Variants in GSN observed in about 807,000 individuals in gnomAD.
GSN encodes the protein gelsolin, also known as actin-depolymerizing factor.
In GSN, 56 loss-of-function variants were observed where a neutral mutation model predicts 85.7. The ratio of observed to expected loss-of-function variants is 0.65; its 90% confidence interval spans 0.53 to 0.82. The LOEUF (loss-of-function observed/expected upper bound fraction) is 0.82, where lower values mean the gene tolerates loss of function less well. Among genes scored for constraint, GSN ranks in the 40% least tolerant of loss-of-function variants. The pLI is 0.00. For missense variants in GSN, 857 were observed against 979.8 expected (o/e 0.87, Z 1.67); for synonymous variants, 373 against 399.1 (o/e 0.93, Z 0.78).
At chr9:121,316,766 C>G (rs960835620) in intron 7 of GSN, among the ~76,000 whole-genome samples, 28 of 152,314 alleles carry the variant, frequency 1.8e-4, no homozygotes, top group African/African-American at 6.7e-4. Context: ...ACACTGTAAC[C>G]GGCCTCTTCT....
chr9:121,209,830 TC>T, intron 2 of GSN, among the ~76,000 whole-genome samples: 1 of 152,330 alleles, frequency 6.6e-6, no homozygotes, highest in East Asian at 1.9e-4. Flanking sequence ...TTATCTGCTA[TC>T]ATAGAATTCA....
intron 1 of GSN, among the ~76,000 whole-genome samples, chr9:121,268,590 G>A (rs1478530761): frequency 6.6e-6 from 1 of 152,234 alleles, no homozygotes; most frequent in Admixed American, 6.5e-5. Flanking sequence ...GGGACCACCA[G>A]CTACGGTCTG....
chr9:121,315,202 T>C (rs1180423963), intron 7 of GSN, among the ~76,000 whole-genome samples: 1 of 152,214 alleles, frequency 6.6e-6, no homozygotes, highest in Non-Finnish European at 1.5e-5. Flanking sequence ...TTCATGCTGT[T>C]GTGTGGTCTT....
intron 12 of GSN, among the ~76,000 whole-genome samples, chr9:121,325,534 A>G (rs2063048999): frequency 6.6e-6 from 1 of 152,180 alleles, no homozygotes; most frequent in Non-Finnish European, 1.5e-5. Context: ...TTGCTGAATG[A>G]TAAGTCTGAG....
chr9:121,273,190 A>G (rs1564384877), intron 1 of GSN, among the ~76,000 whole-genome samples: 1 of 152,162 alleles, frequency 6.6e-6, no homozygotes, highest in Non-Finnish European at 1.5e-5. Context: ...GTGGGAGTGG[A>G]TTCGTTTATT....
intron 7 of GSN, among the ~76,000 whole-genome samples, 164 bp from the exon 8 acceptor site, chr9:121,316,922 A>AAC (rs2061777120): frequency 6.6e-6 from 1 of 151,666 alleles, no homozygotes; most frequent in African/African-American, 2.4e-5. Flanking sequence ...TGTGGTTCTG[A>AAC]CAAAGCAGAA....
rs113145547 is a variant in GSN, at chr9:121,290,367, T to A, written c.-10+8805T>A. Among the ~76,000 whole-genome samples the A allele has an allele frequency of 5.6e-3, 849 of 152,270 alleles. 8 individuals carry two copies. Among genetic ancestry groups the A allele is most frequent in the African/African-American group, 0.02 (818 of 41,534 alleles). On this transcript the variant is annotated intron_variant, in intron 2 of 17. Transcript: ENST00000432226. Reference sequence around the variant, plus strand: ...CTAAGCTGGGGAAGGAAGAAAAGCATTCCAGTACTATACCTCTGTTTGGGT... The same window carrying A: ...CTAAGCTGGGGAAGGAAGAAAAGCAATCCAGTACTATACCTCTGTTTGGGT...
chr9:121,327,107 T>C, intron 13 of GSN: 1 of 721,890 alleles, frequency 1.4e-6, no homozygotes, highest in East Asian at 2.6e-5. Context: ...AGAATCATGT[T>C]GGCTAGTCAC....
chr9:121,229,143 A>G (rs1358307139), intron 4 of GSN, among the ~76,000 whole-genome samples: 1 of 151,950 alleles, frequency 6.6e-6, no homozygotes, highest in Non-Finnish European at 1.5e-5. Context: ...AATTCTCATA[A>G]CTCTCAAGTC....
chr9:121,239,183 G>T (rs11999453), intron 5 of GSN: 4,803 of 320,408 alleles, frequency 0.015, 242 homozygotes, highest in African/African-American at 0.097. Context: ...CATCAACCAG[G>T]AATCTCTTCT....
chr9:121,310,263 G>A (rs1018520604), intron 4 of GSN: 38 of 296,570 alleles, frequency 1.3e-4, no homozygotes, highest in African/African-American at 4.4e-4. Flanking sequence ...TTATTTGACC[G>A]TGGAACTCTT....
intron 4 of GSN, among the ~76,000 whole-genome samples, chr9:121,220,798 C>T (rs1458193584): frequency 3.3e-5 from 5 of 152,280 alleles, no homozygotes; most frequent in East Asian, 1.9e-4. Flanking sequence ...AACAGGCAAC[C>T]GTATCTAGCC....
At chr9:121,321,218 T>TG (rs752822724) in intron 10 of GSN, 50 bp from the exon 11 acceptor site, 5 of 1,607,304 alleles carry the variant, frequency 3.1e-6, no homozygotes, top group Non-Finnish European at 4.2e-6. Flanking sequence ...TTGCCTGAGC[T>TG]GGGGGGTGGG....
intron 4 of GSN, among the ~76,000 whole-genome samples, chr9:121,215,990 AC>A (rs961216489): frequency 6.6e-6 from 1 of 152,050 alleles, no homozygotes; most frequent in Non-Finnish European, 1.5e-5. Flanking sequence ...TTAGGCCATC[AC>A]TTTTCTTATT....
At chr9:121,235,782 C>T (rs1416944086) in intron 5 of GSN, among the ~76,000 whole-genome samples, 3 of 152,162 alleles carry the variant, frequency 2.0e-5, no homozygotes, top group African/African-American at 7.2e-5. Flanking sequence ...GGCACCTGGC[C>T]ACCCTAAACA....
chr9:121,218,070 C>T (rs769120617), intron 4 of GSN, among the ~76,000 whole-genome samples: 1 of 152,116 alleles, frequency 6.6e-6, no homozygotes, highest in African/African-American at 2.4e-5. Flanking sequence ...TGCCCTGACT[C>T]ACAGTTTAGC....
chr9:121,312,195 C>T (rs554504924), intron 5 of GSN, 144 bp from the exon 6 acceptor site: 48 of 796,978 alleles, frequency 6.0e-5, no homozygotes, highest in Admixed American at 3.6e-4. Context: ...AAATAATGCA[C>T]GTGTGCAGAC....
rs762267106 is a variant in GSN, at chr9:121,328,963, A to T, written c.1835A>T (p.Asp612Val). ...CCACGGCTGAAGGACAAGAAGATGG[A>T]TGCCCATCCTCCTCGCCTCTTTGCC... is the stretch of plus-strand genomic sequence containing the variant. ...TSPRLKDKKM[D>V]AHPPRLFACS... Residue 612 changes from aspartate to valine, a missense_variant, in exon 15 of 18, where the codon GAT (aspartate) becomes GTT (valine). By Grantham distance (152) the Asp-to-Val change is radical (BLOSUM62 -3). Coordinates refer to ENST00000432226, the MANE Select transcript of GSN (RefSeq NM_198252.3). 1 of 1,614,036 alleles carries T rather than the reference A, an allele frequency of 6.2e-7. No homozygotes were observed.
chr9:121,328,745 C>A (rs1235830060), intron 14 of GSN, 146 bp from the exon 15 acceptor site: 11 of 880,350 alleles, frequency 1.2e-5, no homozygotes, highest in Non-Finnish European at 1.8e-5. Flanking sequence ...AGGCCTCTTC[C>A]CTCTGGATCT....
Sources: gnomAD v4.1 joint callset for allele counts (sites outside exome capture counted in the v4.1 genomes callset) on GRCh38, gnomAD v4.1.1 for gene constraint, MANE v1.5 for transcripts, NCBI Gene and HGNC (gene_info 2026-07-23, HGNC 2026-07-21) for gene names.